FSTL4: variants seen among roughly 807,000 people sequenced by gnomAD.
FSTL4 encodes the protein follistatin like 4, also known as follistatin-related protein 4.
FSTL4 carries 28 observed loss-of-function variants against 78.2 expected under a neutral mutation model. The ratio of observed to expected loss-of-function variants is 0.36; its 90% CI spans 0.27 to 0.49. The LOEUF (loss-of-function observed/expected upper bound fraction) is 0.49. Ranked by LOEUF, FSTL4 falls within the 20% of genes least tolerant of loss-of-function variation. The pLI is 0.98. For missense variants in FSTL4, 922 were observed against 1,084.9 expected, an observed-to-expected ratio of 0.85 and a Z score of 2.11; for synonymous variants, 422 against 440.5, an observed-to-expected ratio of 0.96 and a Z score of 0.53.
intron 4 of FSTL4, among the ~76,000 whole-genome samples, chr5:133,385,819 G>A (rs1755685390): frequency 6.6e-6 from 1 of 152,176 alleles, no homozygotes; most frequent in Non-Finnish European, 1.5e-5. Context: ...AGTCAAGAGT[G>A]GCTAACAACA....
chr5:133,711,334 G>A, the FSTL4 span, among the ~76,000 whole-genome samples: 5 of 152,204 alleles, frequency 3.3e-5, no homozygotes, highest in African/African-American at 7.2e-5. Flanking sequence ...TCTAAAAAGA[G>A]CAAGAACAGC....
At chr5:133,819,085 C>T in the FSTL4 span, among the ~76,000 whole-genome samples, 1 of 150,708 alleles carries the variant, frequency 6.6e-6, no homozygotes, top group Non-Finnish European at 1.5e-5. Flanking sequence ...AATCCTTTCT[C>T]AATGCTGGGT....
the FSTL4 span, among the ~76,000 whole-genome samples, chr5:133,741,800 C>T: frequency 6.6e-6 from 1 of 152,196 alleles, no homozygotes; most frequent in Non-Finnish European, 1.5e-5. Context: ...CACAAGGAGT[C>T]AGTGGGGCCT....
chr5:133,347,629 G>A (rs1386284912), intron 4 of FSTL4, among the ~76,000 whole-genome samples: 1 of 152,162 alleles, frequency 6.6e-6, no homozygotes, highest in Non-Finnish European at 1.5e-5. Flanking sequence ...AAAGTGCTGC[G>A]ATTATAGGCA....
chr5:133,365,208 G>T (rs1184734407), intron 4 of FSTL4, among the ~76,000 whole-genome samples: 1 of 151,610 alleles, frequency 6.6e-6, no homozygotes, highest in East Asian at 1.9e-4. Context: ...ACTCAAAAAG[G>T]CTGGTCATGG....
At chr5:133,558,467 C>T (rs1759840532) in intron 3 of FSTL4, among the ~76,000 whole-genome samples, 1 of 152,046 alleles carries the variant, frequency 6.6e-6, no homozygotes, top group Admixed American at 6.6e-5. Context: ...GCTCAGACCC[C>T]GGCCCAGGTC....
the FSTL4 span, among the ~76,000 whole-genome samples, chr5:133,758,610 T>C: frequency 3.3e-5 from 5 of 152,324 alleles, no homozygotes; most frequent in Admixed American, 3.3e-4. Context: ...TAATTGATAT[T>C]CATTATAAAT....
At chr5:133,330,023 C>CCAT (rs1561674674) in intron 4 of FSTL4, among the ~76,000 whole-genome samples, 1 of 152,056 alleles carries the variant, frequency 6.6e-6, no homozygotes, top group African/African-American at 2.4e-5. Flanking sequence ...TTGGAGAATC[C>CCAT]CATCTCTAAA....
the FSTL4 span, among the ~76,000 whole-genome samples, chr5:133,687,173 C>G: frequency 6.6e-6 from 1 of 151,888 alleles, no homozygotes; most frequent in African/African-American, 2.4e-5. Flanking sequence ...AGTGTGGACT[C>G]GATCCTGTGG....
intron 4 of FSTL4, among the ~76,000 whole-genome samples, chr5:133,370,514 A>C (rs1580655690): frequency 6.6e-6 from 1 of 152,042 alleles, no homozygotes; most frequent in Non-Finnish European, 1.5e-5. Context: ...GAAGGGAAAC[A>C]GGACAGTAGT....
At chr5:133,319,473 T>C (rs541415451) in intron 4 of FSTL4, among the ~76,000 whole-genome samples, 20 of 151,992 alleles carry the variant, frequency 1.3e-4, no homozygotes, top group Non-Finnish European at 2.4e-4. Context: ...GGAGGAGTTG[T>C]GGGAGGAAGC....
the FSTL4 span, among the ~76,000 whole-genome samples, chr5:133,767,564 G>A: frequency 6.6e-6 from 1 of 152,176 alleles, no homozygotes; most frequent in Non-Finnish European, 1.5e-5. Flanking sequence ...GAGCCTGGAG[G>A]TAGCATGACT....
At chr5:133,520,683 T>C (rs1468832816) in intron 3 of FSTL4, among the ~76,000 whole-genome samples, 2 of 152,154 alleles carry the variant, frequency 1.3e-5, no homozygotes, top group African/African-American at 4.8e-5. Flanking sequence ...AAGAGCAGGG[T>C]TGCTTTTATG....
chr5:133,758,195 T>C, the FSTL4 span, among the ~76,000 whole-genome samples: 3,512 of 152,308 alleles, frequency 0.023, 102 homozygotes, highest in African/African-American at 0.071. Flanking sequence ...GGATGTGCAA[T>C]TATTATTCCC....
chr5:133,633,372 A>AT, the FSTL4 span, among the ~76,000 whole-genome samples: 8 of 152,116 alleles, frequency 5.3e-5, no homozygotes, highest in African/African-American at 1.9e-4. Context: ...AAACTCACTA[A>AT]TTATTTCCTC....
chr5:133,515,404 G>C (rs961476742), intron 3 of FSTL4, among the ~76,000 whole-genome samples: 2 of 147,288 alleles, frequency 1.4e-5, no homozygotes, highest in Non-Finnish European at 3.0e-5. Flanking sequence ...TAAAAGGAAA[G>C]GAAAAAAAAA....
chr5:133,353,356 C>A (rs1163020258), intron 4 of FSTL4, among the ~76,000 whole-genome samples: 1 of 152,184 alleles, frequency 6.6e-6, no homozygotes, highest in Non-Finnish European at 1.5e-5. Flanking sequence ...TGGTGATGAA[C>A]AAATAACCCC....
chr5:133,568,449 CAAT>C (rs1760077488), intron 2 of FSTL4, among the ~76,000 whole-genome samples: 1 of 152,056 alleles, frequency 6.6e-6, no homozygotes, highest in African/African-American at 2.4e-5. Context: ...AAGGGGGAGG[CAAT>C]ATTAGAGATG....
At chr5:133,669,377 G>A in the FSTL4 span, among the ~76,000 whole-genome samples, 1 of 152,236 alleles carries the variant, frequency 6.6e-6, no homozygotes, top group African/African-American at 2.4e-5. Context: ...TCCTCCCTGA[G>A]CACTTCTTCA....
Sources: gnomAD v4.1 joint callset for allele counts (sites outside exome capture counted in the v4.1 genomes callset) on GRCh38, gnomAD v4.1.1 for gene constraint, MANE v1.5 for transcripts, NCBI Gene and HGNC (gene_info 2026-07-23, HGNC 2026-07-21) for gene names.